NRG1: variants seen among roughly 807,000 people sequenced by gnomAD.
NRG1 encodes the protein pro-neuregulin-1, membrane-bound isoform.
Under a neutral mutation model 63.8 loss-of-function variants are expected in NRG1, and 18 were observed. The ratio of observed to expected loss-of-function variants is 0.28; its 90% CI spans 0.19 to 0.42. NRG1 has a LOEUF of 0.42. Among genes scored for constraint, NRG1 ranks in the 10% least tolerant of loss-of-function variants. NRG1 has a pLI of 1.00. For missense variants in NRG1, 762 were observed against 814.7 expected, an observed-to-expected ratio of 0.94 and a Z score of 0.79; for synonymous variants, 302 against 301.3, an observed-to-expected ratio of 1.00 and a Z score of -0.02.
chr8:31,870,765 T>G lies in NRG1; in HGVS notation c.37+231334T>G, dbSNP rs552809410. On this transcript the variant is annotated intron_variant, in intron 1 of 10. Coordinates refer to the NRG1 transcript ENST00000519301. ...TTATTTATTTTTTTTAGTGGCTGTT[T>G]GTTGAAAAACCTTGTTGTAGGCTGC... 1.1e-4 allele frequency among the ~76,000 whole-genome samples: 16 copies of G among 152,258 alleles called. No homozygotes were observed. In the East Asian group the frequency reaches 3.1e-3, roughly 30 times the overall value.
In NRG1 at chr8:31,640,639, G is replaced by A. The variant is rs1554493885; in HGVS notation, c.37+1208G>A. On this transcript the variant is annotated intron_variant, in intron 1 of 10. Coordinates refer to the NRG1 transcript ENST00000519301. This position sits in a 1 kb window ranked among gnomAD's most constrained non-coding sequence, Gnocchi z 6.3. ...GCCCGACGCCAACAGCACCAGCCGCGCGCCGGCCGCCTTCCGAGCCTCTTT... is the reference window on the plus strand; with the variant it reads ...GCCCGACGCCAACAGCACCAGCCGCACGCCGGCCGCCTTCCGAGCCTCTTT... 3 of 1,608,938 alleles carry A rather than the reference G, an allele frequency of 1.9e-6. No homozygotes were observed. The highest frequency in any genetic ancestry group is 1.3e-5 in the African/African-American group (1 of 74,600).
intron 1 of NRG1, among the ~76,000 whole-genome samples, chr8:31,865,837 A>G (rs1437001540): frequency 6.6e-6 from 1 of 152,150 alleles, no homozygotes; most frequent in East Asian, 1.9e-4. Flanking sequence ...TGGAAAAATG[A>G]TTTGTTTAGA....
intron 1 of NRG1, among the ~76,000 whole-genome samples, chr8:31,840,296 A>C (rs1376282166): frequency 6.6e-6 from 1 of 151,868 alleles, no homozygotes; most frequent in Non-Finnish European, 1.5e-5. Flanking sequence ...AGGCTGCTTA[A>C]ATAAGATAAA....
intron 1 of NRG1, among the ~76,000 whole-genome samples, chr8:31,661,869 G>A (rs951155783): frequency 2.0e-5 from 3 of 152,186 alleles, no homozygotes; most frequent in African/African-American, 7.2e-5. Context: ...ACTGGGCTAG[G>A]TGTTACAGAG....
intron 1 of NRG1, among the ~76,000 whole-genome samples, chr8:31,931,034 T>G (rs1834815152): frequency 6.6e-6 from 1 of 152,166 alleles, no homozygotes; most frequent in African/African-American, 2.4e-5. Context: ...ATCAATGTTG[T>G]AGAGTTTGGA....
intron 1 of NRG1, among the ~76,000 whole-genome samples, chr8:31,858,293 C>T (rs974459133): frequency 3.4e-5 from 5 of 148,532 alleles, no homozygotes; most frequent in South Asian, 2.1e-4. Flanking sequence ...AGTGAGACTC[C>T]GTCTCAAAAA....
chr8:32,747,234 A>G (rs1363863626), intron 7 of NRG1, among the ~76,000 whole-genome samples: 1 of 152,152 alleles, frequency 6.6e-6, no homozygotes, highest in African/African-American at 2.4e-5. Context: ...TCATGTAGGC[A>G]TGGAGTCCTG....
intron 1 of NRG1, among the ~76,000 whole-genome samples, chr8:32,038,219 G>A (rs1028502544): frequency 6.6e-6 from 1 of 152,192 alleles, no homozygotes; most frequent in African/African-American, 2.4e-5. Flanking sequence ...CAGCTTCCTC[G>A]GCTCAGAGAG....
At chr8:32,137,390 C>T (rs1052526276) in intron 1 of NRG1, among the ~76,000 whole-genome samples, 1 of 151,818 alleles carries the variant, frequency 6.6e-6, no homozygotes, top group African/African-American at 2.4e-5. Flanking sequence ...TGCAATGAGC[C>T]GAGATTGCAC....
At chr8:32,453,046 C>T (rs186608747) in intron 1 of NRG1, among the ~76,000 whole-genome samples, 6 of 152,298 alleles carry the variant, frequency 3.9e-5, no homozygotes, top group Admixed American at 6.5e-5. Flanking sequence ...GAAGTACTAA[C>T]AAAATTATGT....
At chr8:32,390,809 G>A (rs536933001) in intron 1 of NRG1, among the ~76,000 whole-genome samples, 34 of 151,868 alleles carry the variant, frequency 2.2e-4, no homozygotes, top group African/African-American at 7.5e-4. Flanking sequence ...ATTCCCATTC[G>A]TAGTACCAGC....
At chr8:32,054,467 G>A (rs531812415) in intron 1 of NRG1, among the ~76,000 whole-genome samples, 13 of 152,332 alleles carry the variant, frequency 8.5e-5, no homozygotes, top group African/African-American at 3.1e-4. Flanking sequence ...AGTGTGGCCT[G>A]CAGTCACCAA....
At chr8:31,862,238 T>A (rs1828532295) in intron 1 of NRG1, among the ~76,000 whole-genome samples, 1 of 152,186 alleles carries the variant, frequency 6.6e-6, no homozygotes. Flanking sequence ...TTATCACTTG[T>A]GTGTATCAGG....
At chr8:31,911,508 C>G (rs1311901459) in intron 1 of NRG1, among the ~76,000 whole-genome samples, 1 of 152,130 alleles carries the variant, frequency 6.6e-6, no homozygotes, top group Non-Finnish European at 1.5e-5. Flanking sequence ...ACCTCATGTT[C>G]TCACTTATAA....
chr8:32,192,900 T>A (rs1842629447), intron 1 of NRG1, among the ~76,000 whole-genome samples: 1 of 152,064 alleles, frequency 6.6e-6, no homozygotes, highest in Non-Finnish European at 1.5e-5. Flanking sequence ...TCAATACACC[T>A]ACCTTACTCT....
At chr8:32,673,790 C>T (rs979877166) in intron 5 of NRG1, among the ~76,000 whole-genome samples, 2 of 152,184 alleles carry the variant, frequency 1.3e-5, no homozygotes, top group Admixed American at 6.5e-5. Context: ...TAGAAATATC[C>T]TGTTTCAAAA....
intron 1 of NRG1, among the ~76,000 whole-genome samples, chr8:31,966,481 C>G (rs1372366178): frequency 1.3e-5 from 2 of 152,244 alleles, no homozygotes; most frequent in East Asian, 3.8e-4. Flanking sequence ...GACTCCTAAT[C>G]TTTGAAAGCT....
chr8:32,646,549 C>T (rs192573094), intron 5 of NRG1, among the ~76,000 whole-genome samples: 26 of 152,282 alleles, frequency 1.7e-4, no homozygotes, highest in Admixed American at 5.9e-4. Context: ...CTACACCACC[C>T]CCCACCCCAT....
chr8:31,708,298 C>T (rs1238307809), intron 1 of NRG1, among the ~76,000 whole-genome samples: 1 of 152,110 alleles, frequency 6.6e-6, no homozygotes, highest in Admixed American at 6.5e-5. Context: ...GCAACCCAGC[C>T]TCAACTATGT....
Sources: gnomAD v4.1 joint callset for allele counts (sites outside exome capture counted in the v4.1 genomes callset) on GRCh38, gnomAD v4.1.1 for gene constraint, Gnocchi (gnomAD v3.1) non-coding constraint, MANE v1.5 for transcripts, NCBI Gene and HGNC (gene_info 2026-07-23, HGNC 2026-07-21) for gene names.